RAB11FIP2: variants seen among roughly 807,000 people sequenced by gnomAD.
RAB11FIP2 encodes rab11 family-interacting protein 2.
A neutral mutation model predicts 40.9 loss-of-function variants in RAB11FIP2; 16 were observed. That is an observed-to-expected ratio of 0.39 (90% CI 0.26 to 0.59). RAB11FIP2 has a LOEUF of 0.59. Ranked by LOEUF, RAB11FIP2 falls within the 20% of genes least tolerant of loss-of-function variation. The pLI is 0.53. For synonymous variants in RAB11FIP2, 228 were observed against 213.7 expected (o/e 1.07, Z -0.58); for missense variants, 532 against 606.2 (o/e 0.88, Z 1.28).
intron 1 of RAB11FIP2, among the ~76,000 whole-genome samples, chr10:118,044,157 G>A (rs989336843): frequency 6.6e-6 from 1 of 152,120 alleles, no homozygotes; most frequent in African/African-American, 2.4e-5. Context: ...TGTTGCCCAG[G>A]ACTAGGAGTA....
chr10:118,026,623 G>A (rs1846347146), intron 3 of RAB11FIP2, among the ~76,000 whole-genome samples: 1 of 152,136 alleles, frequency 6.6e-6, no homozygotes, highest in South Asian at 2.1e-4. Flanking sequence ...AGTCTGAACT[G>A]CCTTCTTTAA....
At chr10:118,021,154 T>C (rs755176744) in intron 3 of RAB11FIP2, among the ~76,000 whole-genome samples, 2 of 152,196 alleles carry the variant, frequency 1.3e-5, no homozygotes, top group Non-Finnish European at 2.9e-5. Context: ...GGAGTACTTG[T>C]GTTCAAAATT....
chr10:118,009,017 C>G lies in RAB11FIP2; in HGVS notation c.1520G>C (p.Gly507Ala). 6.2e-7 allele frequency: 1 copy of G among 1,611,968 alleles called. No individual in the cohort carries two copies. Among genetic ancestry groups the G allele is most frequent in the Non-Finnish European group, 8.5e-7 (1 of 1,178,282 alleles). ...GCTTTATTAACTGTTAGAGAATTTG[C>G]CAGCTTTCCTGGATGGTTCATACGG... ...RVPYEPSRKA[G>A]KFSNS Residue 507 changes from glycine (G) to alanine (A), a missense_variant, in exon 5 of 5, where the codon GGC (glycine) becomes GCC (alanine). Coordinates refer to ENST00000355624, the MANE Select transcript of RAB11FIP2 (RefSeq NM_014904.3).
chr10:118,039,839 GT>G, intron 2 of RAB11FIP2: 1 of 396,396 alleles, frequency 2.5e-6, no homozygotes, highest in Non-Finnish European at 4.5e-6. Flanking sequence ...TATGCTCAGG[GT>G]TTTGAGATAG....
At chr10:118,011,967 G>A (rs1846161369) in intron 4 of RAB11FIP2, among the ~76,000 whole-genome samples, 1 of 151,700 alleles carries the variant, frequency 6.6e-6, no homozygotes, top group South Asian at 2.1e-4. Context: ...AACTAATTAA[G>A]CTATGAAATA....
In RAB11FIP2 at chr10:118,046,056, T is replaced by C. The variant is rs769767079; in HGVS notation, c.108A>G (p.Thr36=). The C allele has an allele frequency of 5.0e-6, 8 of 1,614,094 alleles. No homozygotes were observed. The highest frequency in any genetic ancestry group is 2.2e-5 in the East Asian group (1 of 44,898). Residue 36 remains threonine, a synonymous_variant, in exon 1 of 5, where the codon ACA becomes ACG. Coordinates refer to ENST00000355624, the MANE Select transcript of RAB11FIP2 (RefSeq NM_014904.3). ...CCTTGCCCAGCTGAATTATAGTGTA[T>C]GTGTCATTGGTACCACTTTTGCCTT... The part of the protein sequence containing the change: ...KPKGKSGTND[T]YTIIQLGKEK...
chr10:118,009,536 A>G (rs1339815277), intron 4 of RAB11FIP2, among the ~76,000 whole-genome samples: 4 of 152,174 alleles, frequency 2.6e-5, no homozygotes, highest in Non-Finnish European at 4.4e-5. Flanking sequence ...TATAATAAAT[A>G]CAACTAAAAT....
At chr10:118,010,204 C>A (rs887289872) in intron 4 of RAB11FIP2, among the ~76,000 whole-genome samples, 1 of 151,986 alleles carries the variant, frequency 6.6e-6, no homozygotes, top group Non-Finnish European at 1.5e-5. Flanking sequence ...AAACATAATG[C>A]CCAATTACAA....
At chr10:118,010,417 G>A (rs1344988986) in intron 4 of RAB11FIP2, among the ~76,000 whole-genome samples, 1 of 152,098 alleles carries the variant, frequency 6.6e-6, no homozygotes, top group Non-Finnish European at 1.5e-5. Context: ...ACTGGTGAAT[G>A]CAGAATGACC....
Position 118,005,547 on chromosome 10 carries a change from G to A in RAB11FIP2, c.*3451C>T, listed in dbSNP as rs562403377. On this transcript the variant is annotated 3_prime_UTR_variant, in exon 5 of 5. Coordinates refer to ENST00000355624, the MANE Select transcript of RAB11FIP2 (RefSeq NM_014904.3). ...GTGATCCTTTCCCTTATTTCAAAGG[G>A]ACCAAGTGAATGAGCATGCATCATA... The A allele has an allele frequency of 2.6e-5, 4 of 152,356 alleles. No homozygotes were observed. The highest frequency in any genetic ancestry group is 9.6e-5 in the African/African-American group (4 of 41,510). The allele number at this position is 152,356 out of a possible 1,614,324, so 9.4% of individuals were successfully genotyped here. A position where few individuals can be genotyped will look rare whatever the true frequency, so the allele number is the denominator to read the frequency against.
chr10:118,036,098 C>T (rs1846478071), intron 3 of RAB11FIP2, among the ~76,000 whole-genome samples: 2 of 151,952 alleles, frequency 1.3e-5, no homozygotes, highest in South Asian at 2.1e-4. Context: ...TGCCTTAGTA[C>T]ATTTTAAAAT....
In RAB11FIP2 at chr10:118,039,347, A is replaced by G; in HGVS notation, c.890T>C (p.Phe297Ser). 1 of 1,613,666 alleles carries G rather than the reference A, an allele frequency of 6.2e-7. No homozygotes were observed. Among genetic ancestry groups the G allele is most frequent in the Non-Finnish European group, 8.5e-7 (1 of 1,179,684 alleles). Residue 297 changes from phenylalanine (F) to serine (S), a missense_variant, in exon 3 of 5, where the codon TTC (phenylalanine) becomes TCC (serine). By Grantham distance (155) the Phe-to-Ser change is radical. Transcript: ENST00000355624. ...TGTAAATGGGTCATTTTGTCTTCCG[A>G]AACACAATTCACCTTCATCCACAAT... ...DSIVDEGELC[F>S]GRQNDPFTNV...
intron 3 of RAB11FIP2, among the ~76,000 whole-genome samples, chr10:118,018,816 C>T (rs780331140): frequency 2.0e-5 from 3 of 152,048 alleles, no homozygotes; most frequent in Non-Finnish European, 4.4e-5. Flanking sequence ...TTCCATATAT[C>T]GGCCAGAAAA....
Position 118,015,087 on chromosome 10 carries a change from T to C in RAB11FIP2, c.1289A>G (p.Asn430Ser), listed in dbSNP as rs58533443. 1.9e-6 allele frequency: 3 copies of C among 1,610,334 alleles called. No homozygotes were observed. The African/African-American group carries it at 4.0e-5, about 22-fold the overall frequency. Reference sequence around the variant, plus strand: ...TACCGGGATTTTCCTGAGGTCTTCATTGCTTGTTGGACTCATATGAAAACT... The same window carrying C: ...TACCGGGATTTTCCTGAGGTCTTCACTGCTTGTTGGACTCATATGAAAACT... ...SSSFHMSPTS[N>S]EDLRKIPDSN... Residue 430 changes from asparagine (N) to serine (S), a missense_variant, in exon 4 of 5, where the codon AAT becomes AGT. Coordinates refer to ENST00000355624, the MANE Select transcript of RAB11FIP2 (RefSeq NM_014904.3).
intron 1 of RAB11FIP2, 91 bp downstream of exon 1, chr10:118,045,720 A>G (rs1298847658): frequency 1.3e-5 from 14 of 1,088,428 alleles, no homozygotes; most frequent in Middle Eastern, 2.5e-4. Context: ...CCAAAAACCA[A>G]CGCCCGAAGT....
rs148157709 is a variant in RAB11FIP2, at chr10:118,040,498, G to T, written c.421C>A (p.Gln141Lys). 23 of 1,612,850 alleles carry T rather than the reference G, an allele frequency of 1.4e-5. No individual in the cohort carries two copies. Among genetic ancestry groups the T allele is most frequent in the African/African-American group, 2.7e-5 (2 of 74,838 alleles). ...KNRGEIKVNI[Q>K]FMRNNMTASM... ...GCGGTCATATTGTTCCTCATAAACT[G>T]AATATTGACCTTTATCTCACCCCTG... The change falls in exon 2 of 5, where the codon CAG (glutamine) becomes AAG (lysine). Residue 141 changes from glutamine (Q) to lysine (K), a missense_variant. Transcript: ENST00000355624.
intron 2 of RAB11FIP2, 199 bp downstream of exon 2, chr10:118,039,924 T>C (rs933116843): frequency 1.9e-5 from 10 of 527,402 alleles, no homozygotes; most frequent in African/African-American, 9.6e-5. Context: ...TCTAATAATA[T>C]AAATACAAAT....
chr10:118,032,251 T>C (rs1478390762), intron 3 of RAB11FIP2, among the ~76,000 whole-genome samples: 1 of 152,080 alleles, frequency 6.6e-6, no homozygotes, highest in East Asian at 1.9e-4. Flanking sequence ...AATAGAAGCA[T>C]ATTTTTAAGC....
At position 118,046,571 on chromosome 10, in the gene RAB11FIP2, AGCCTCCGCT is replaced by A. The variant is rs141169092; in HGVS notation, c.-417_-409del. The A allele has an allele frequency of 0.013, 2,047 of 162,848 alleles. 41 individuals are homozygous for A. The highest frequency in any genetic ancestry group is 0.046 in the African/African-American group (1,915 of 41,950). 10.1% of individuals were successfully genotyped at this position (162,848 alleles called of 1,614,324 possible). A position where few individuals can be genotyped will look rare whatever the true frequency, so the allele number is the denominator to read the frequency against. ...CCCGCCTGCCTCCTTGCGGCCGAGC[AGCCTCCGCT>A]GCCTCCGCGCCTCCCGCCCGCCCGG... On this transcript the variant is annotated 5_prime_UTR_variant, in exon 1 of 5. Coordinates refer to ENST00000355624, the MANE Select transcript of RAB11FIP2 (RefSeq NM_014904.3).
Sources: gnomAD v4.1 joint callset for allele counts (sites outside exome capture counted in the v4.1 genomes callset) on GRCh38, gnomAD v4.1.1 for gene constraint, MANE v1.5 for transcripts, NCBI Gene and HGNC (gene_info 2026-07-23, HGNC 2026-07-21) for gene names.